ITPRID1: variants seen among roughly 807,000 people sequenced by gnomAD.
The protein encoded by ITPRID1 is ITPR interacting domain containing 1.
Under a neutral mutation model 95.4 loss-of-function variants are expected in ITPRID1, and 96 were observed. The observed-to-expected ratio is 1.01, with a 90% CI of 0.85 to 1.19. The LOEUF (loss-of-function observed/expected upper bound fraction) is 1.19, where lower values mean the gene tolerates loss of function less well. ITPRID1 is among the 50% of genes most tolerant of loss of function. The pLI is 0.00. For missense variants in ITPRID1, 1,339 were observed against 1,252.9 expected (o/e 1.07, Z -1.04); for synonymous variants, 510 against 453.6 (o/e 1.12, Z -1.58).
At chr7:31,546,587 G>A (rs567531005) in intron 1 of ITPRID1, among the ~76,000 whole-genome samples, 78 of 152,196 alleles carry the variant, frequency 5.1e-4, no homozygotes, top group African/African-American at 1.8e-3. Context: ...ATATCAAACA[G>A]TCCTTAACTA....
chr7:31,527,739 A>T (rs909771466), intron 1 of ITPRID1, among the ~76,000 whole-genome samples: 1 of 152,180 alleles, frequency 6.6e-6, no homozygotes, highest in Non-Finnish European at 1.5e-5. Context: ...CAAAACAAAA[A>T]CAACAGCAGC....
intron 12 of ITPRID1, among the ~76,000 whole-genome samples, chr7:31,645,546 CTT>C (rs67363824): frequency 0.032 from 4,920 of 152,160 alleles, 294 homozygotes; most frequent in African/African-American, 0.11. Context: ...TATCAAAAGA[CTT>C]TGGTTCAAAT....
chr7:31,649,744 G>T (rs12701132), intron 12 of ITPRID1, among the ~76,000 whole-genome samples: 109,534 of 152,036 alleles, frequency 0.72, 40,047 homozygotes, highest in East Asian at 0.83. Context: ...TCCAACCCAG[G>T]ATGCAAAACA....
chr7:31,548,069 A>G (rs1784158683), intron 1 of ITPRID1, among the ~76,000 whole-genome samples: 1 of 102,410 alleles, frequency 9.8e-6, no homozygotes, highest in African/African-American at 2.8e-5. Flanking sequence ...TAAGGAGGAC[A>G]AAAATGGTGC....
intron 1 of ITPRID1, chr7:31,529,908 C>T: frequency 1.8e-6 from 2 of 1,091,536 alleles, no homozygotes; most frequent in East Asian, 5.2e-5. Flanking sequence ...CATTTTCTCT[C>T]AGTTGGAATG....
At position 31,578,404 on chromosome 7, in the gene ITPRID1, C is replaced by G; in HGVS notation, c.1140C>G (p.Gly380=). ...TCAAGAGCTTGTCTCATCTTGCAGG[C>G]AAAGGACCAGACTCATTTGAAATGG... ...NKLKSLSHLA[G]KGPDSFEMEE... is the part of the protein sequence containing the mutation. The change falls in exon 9 of 15, where the codon GGC becomes GGG. Residue 380 remains glycine, a synonymous_variant. Coordinates refer to ENST00000615280, the MANE Select transcript of ITPRID1 (RefSeq NM_001257967.3). 1 of 1,610,960 alleles carries G rather than the reference C, an allele frequency of 6.2e-7. No individual in the cohort carries two copies. The highest frequency in any genetic ancestry group is 8.5e-7 in the Non-Finnish European group (1 of 1,178,360).
intron 1 of ITPRID1, chr7:31,529,657 C>A: frequency 2.2e-6 from 2 of 889,398 alleles, no homozygotes; most frequent in Non-Finnish European, 3.4e-6. Context: ...TAAATAGGAG[C>A]AGACAGAAAC....
downstream of ITPRID1, among the ~76,000 whole-genome samples, chr7:31,656,766 TTTA>T (rs1159240125): frequency 6.6e-6 from 1 of 152,108 alleles, no homozygotes; most frequent in African/African-American, 2.4e-5. Context: ...GAAAAGACCA[TTTA>T]TTATTTTCTG....
At chr7:31,624,194 G>A (rs919843850) in intron 10 of ITPRID1, among the ~76,000 whole-genome samples, 2 of 148,310 alleles carry the variant, frequency 1.3e-5, no homozygotes, top group Non-Finnish European at 3.0e-5. Context: ...TGGCCATACT[G>A]CCCAAGGTAA....
At chr7:31,636,195 C>T (rs1789468214) in intron 10 of ITPRID1, among the ~76,000 whole-genome samples, 1 of 152,110 alleles carries the variant, frequency 6.6e-6, no homozygotes, top group Non-Finnish European at 1.5e-5. Flanking sequence ...CCTCCCATGA[C>T]ATGTGGGGAT....
intron 10 of ITPRID1, among the ~76,000 whole-genome samples, chr7:31,635,135 T>C (rs1789360828): frequency 6.6e-6 from 1 of 152,210 alleles, no homozygotes; most frequent in South Asian, 2.1e-4. Context: ...ATTTGTCTGT[T>C]TGTTTAATAA....
intron 10 of ITPRID1, among the ~76,000 whole-genome samples, chr7:31,616,373 G>T (rs1787230472): frequency 1.3e-5 from 2 of 152,072 alleles, no homozygotes; most frequent in South Asian, 4.1e-4. Context: ...ATTTTTAAAT[G>T]TGCAGGTCTT....
intron 10 of ITPRID1, among the ~76,000 whole-genome samples, chr7:31,627,977 G>T (rs1045214054): frequency 1.3e-5 from 2 of 152,156 alleles, no homozygotes; most frequent in African/African-American, 4.8e-5. Context: ...AAGTGGGTGG[G>T]ATTCAAGGAA....
chr7:31,643,070 G>T lies in ITPRID1; in HGVS notation c.1700G>T (p.Gly567Val), dbSNP rs1476488408. Reference sequence around the variant, plus strand: ...ACTTCCAAATATGATCATCCTCTGGGGTTTATGGTAACCCACGTCACAGAA... The same window carrying T: ...ACTTCCAAATATGATCATCCTCTGGTGTTTATGGTAACCCACGTCACAGAA... ...TATSKYDHPL[G>V]FMVTHVTEMQ... Residue 567 changes from glycine to valine, a missense_variant, in exon 12 of 15, where the codon GGG becomes GTG. Coordinates refer to ENST00000615280, the MANE Select transcript of ITPRID1 (RefSeq NM_001257967.3). 1 of 1,613,944 alleles carries T rather than the reference G, an allele frequency of 6.2e-7. No individual in the cohort carries two copies. Among genetic ancestry groups the T allele is most frequent in the South Asian group, 1.1e-5 (1 of 91,082 alleles).
intron 1 of ITPRID1, among the ~76,000 whole-genome samples, chr7:31,543,233 A>T (rs1292571086): frequency 6.6e-6 from 1 of 152,138 alleles, no homozygotes; most frequent in Non-Finnish European, 1.5e-5. Flanking sequence ...TAAGGAAAAC[A>T]GAGATTTTTC....
intron 3 of ITPRID1, among the ~76,000 whole-genome samples, chr7:31,553,730 C>T (rs928015806): frequency 6.6e-6 from 1 of 152,154 alleles, no homozygotes; most frequent in Non-Finnish European, 1.5e-5. Flanking sequence ...GTCCACCTGG[C>T]TTTTATGGTT....
At chr7:31,587,726 C>G (rs1248141580) in intron 10 of ITPRID1, among the ~76,000 whole-genome samples, 2 of 151,084 alleles carry the variant, frequency 1.3e-5, no homozygotes, top group East Asian at 3.9e-4. Flanking sequence ...ATCACACTAC[C>G]TGACTTCAAA....
chr7:31,565,739 A>AAAAAAT (rs1784778036), intron 5 of ITPRID1, among the ~76,000 whole-genome samples: 1 of 150,308 alleles, frequency 6.7e-6, no homozygotes, highest in African/African-American at 2.5e-5. Flanking sequence ...CTCCATCTCA[A>AAAAAAT]AAAAATAAAA....
At chr7:31,579,249 T>C (rs570600049) in intron 9 of ITPRID1, among the ~76,000 whole-genome samples, 54 of 152,236 alleles carry the variant, frequency 3.5e-4, no homozygotes, top group Middle Eastern at 3.4e-3. Context: ...GCAGCTAGGA[T>C]TGGGAGTTAA....
Sources: gnomAD v4.1 joint callset for allele counts (sites outside exome capture counted in the v4.1 genomes callset) on GRCh38, gnomAD v4.1.1 for gene constraint, MANE v1.5 for transcripts, NCBI Gene and HGNC (gene_info 2026-07-23, HGNC 2026-07-21) for gene names.